The following ARHGEF2 variants were observed in gnomAD, a reference collection of about 807,000 sequenced individuals.
ARHGEF2 encodes rho guanine nucleotide exchange factor 2.
In ARHGEF2, 22 loss-of-function variants were observed where a neutral mutation model predicts 121.0. The ratio of observed to expected loss-of-function variants is 0.18; its 90% CI spans 0.13 to 0.26. ARHGEF2 has a LOEUF of 0.26. ARHGEF2 is among the 10% of genes least tolerant of loss of function. The probability of loss-of-function intolerance (pLI) is 1.00; values close to 1 mark genes in which losing one functional copy is unlikely to be tolerated. For synonymous variants in ARHGEF2, 487 were observed against 530.0 expected (o/e 0.92, Z 1.11); for missense variants, 907 against 1,336.0 (o/e 0.68, Z 5.01).
Position 155,978,045 on chromosome 1 carries a change from C to T in ARHGEF2, c.63+320G>A, listed in dbSNP as rs951750365. The T allele has an allele frequency of 4.6e-6, 5 of 1,093,356 alleles. No individual in the cohort carries two copies. The highest frequency in any genetic ancestry group is 5.6e-6 in the Non-Finnish European group (5 of 896,742). 67.7% of individuals were successfully genotyped at this position (1,093,356 alleles called of 1,614,324 possible). The stretch of plus-strand genomic sequence containing the variant: ...CCCCACCCGCGAGACACACACCTCC[C>T]TCTTCCCGCTCCGTCCCTTACCGGA... On this transcript the variant is annotated intron_variant, in intron 1 of 21. Coordinates refer to ENST00000361247, the MANE Select transcript of ARHGEF2 (RefSeq NM_001162383.2). This position sits in a 1 kb window ranked among gnomAD's most constrained non-coding sequence, Gnocchi z 4.1.
chr1:155,962,374 G>A lies in ARHGEF2; in HGVS notation c.1102-152C>T, dbSNP rs1281465250. ...ATGGGGATAACAACGCCACAGGTTT[G>A]TTGTGAGGACCAACTGAAGGAGCAA... On this transcript the variant is annotated intron_variant, in intron 9 of 21. Transcript: ENST00000361247. This position sits in a 1 kb window ranked among gnomAD's most constrained non-coding sequence, Gnocchi z 5.8. 6 of 1,029,756 alleles carry A rather than the reference G, an allele frequency of 5.8e-6. No homozygotes were observed. The highest frequency in any genetic ancestry group is 3.1e-5 in the South Asian group (2 of 64,676). 63.8% of individuals were successfully genotyped at this position (1,029,756 alleles called of 1,614,324 possible).
chr1:155,947,809 G>C lies in ARHGEF2; in HGVS notation c.*133C>G. 1 of 598,030 alleles carries C rather than the reference G, an allele frequency of 1.7e-6. No homozygotes were observed. 37.0% of individuals were successfully genotyped at this position (598,030 alleles called of 1,614,324 possible). ...TCTTAAATGGCCCCAGGTATCCAAG[G>C]ATCCCAAGAGCTGGCAAGGACAATT... is the stretch of plus-strand genomic sequence containing the variant. On this transcript the variant is annotated 3_prime_UTR_variant, in exon 22 of 22. Coordinates refer to ENST00000361247, the MANE Select transcript of ARHGEF2 (RefSeq NM_001162383.2).
In ARHGEF2 at chr1:155,962,171, G is replaced by T. The variant is rs1450540559; in HGVS notation, c.1153C>A (p.Leu385Met). 1 of 1,614,204 alleles carries T rather than the reference G, an allele frequency of 6.2e-7. No homozygotes were observed. Among genetic ancestry groups the T allele is most frequent in the East Asian group, 2.2e-5 (1 of 44,868 alleles). Reference protein sequence around the residue: ...LKRHGVQECILLVTQRITKYP... With the variant: ...LKRHGVQECIMLVTQRITKYP... ...TTGGTGATGCGCTGAGTCACCAGCA[G>T]GATGCACTCCTGTACCCCGTGCCGC... The change falls in exon 10 of 22, where the codon CTG (leucine) becomes ATG (methionine). Residue 385 changes from leucine (L) to methionine (M), a missense_variant. Around this residue, in one of 2 missense-constraint regions of ARHGEF2, gnomAD observed 475 missense variants for 776.5 expected, o/e 0.61. Transcript: ENST00000361247. The surrounding 1 kb of genome is among the most constrained non-coding windows in gnomAD (Gnocchi z 5.8).
At chr1:155,972,399 C>G (rs909186224) in intron 1 of ARHGEF2, 1 of 433,616 alleles carries the variant, frequency 2.3e-6, no homozygotes, top group South Asian at 1.6e-5. Flanking sequence ...CTGTGCCCGC[C>G]CCAGGGCTCA....
Position 155,962,422 on chromosome 1 carries a change from A to G in ARHGEF2, c.1101+171T>C, listed in dbSNP as rs921385283. On this transcript the variant is annotated intron_variant, in intron 9 of 21. Coordinates refer to ENST00000361247, the MANE Select transcript of ARHGEF2 (RefSeq NM_001162383.2). The surrounding 1 kb of genome is among the most constrained non-coding windows in gnomAD (Gnocchi z 5.8). ...CAAAAAGTACTTGGGAAACTACCAC[A>G]ACGTGCTCTAGCATTCTGAGGGGTT... The G allele has an allele frequency of 6.3e-6, 7 of 1,111,860 alleles. No homozygotes were observed. Among genetic ancestry groups the G allele is most frequent in the African/African-American group, 3.1e-5 (2 of 64,104 alleles). The allele number at this position is 1,111,860 out of a possible 1,614,324, so 68.9% of individuals were successfully genotyped here.
At chr1:155,963,920 G>A in intron 7 of ARHGEF2, among the ~76,000 whole-genome samples, 1 of 150,284 alleles carries the variant, frequency 6.7e-6, no homozygotes, top group Non-Finnish European at 1.5e-5. Context: ...CGAGGCGGGT[G>A]CATCACCTGA....
In ARHGEF2 at chr1:155,951,107, G is replaced by T. The variant is rs200637880; in HGVS notation, c.2425C>A (p.Arg809=). The part of the protein sequence containing the change: ...KQATELALLQ[R]QHALLQEELR... ...TCCTCCTGCAGCAGCGCATGTTGCCGCTGCAGTAATGCCAGTTCCGTGGCC... is the reference window on the plus strand; with the variant it reads ...TCCTCCTGCAGCAGCGCATGTTGCCTCTGCAGTAATGCCAGTTCCGTGGCC... The change falls in exon 20 of 22, where the codon CGG becomes AGG. Residue 809 remains arginine, a synonymous_variant. Coordinates refer to ENST00000361247, the MANE Select transcript of ARHGEF2 (RefSeq NM_001162383.2). This position sits in a 1 kb window ranked among gnomAD's most constrained non-coding sequence, Gnocchi z 5.1. The T allele has an allele frequency of 2.1e-5, 33 of 1,603,200 alleles. No individual in the cohort carries two copies. The African/African-American group carries it at 3.9e-4, about 19-fold the overall frequency.
chr1:155,970,397 T>C, intron 1 of ARHGEF2: 1 of 985,494 alleles, frequency 1.0e-6, no homozygotes, highest in South Asian at 4.7e-5. Flanking sequence ...AAGAGGGGGA[T>C]ATCACTCTTC....
Position 155,961,914 on chromosome 1 carries a change from C to T in ARHGEF2, c.1220-5G>A. On this transcript the variant is annotated splice_polypyrimidine_tract_variant and splice_region_variant and intron_variant, in intron 10 of 21. Transcript: ENST00000361247. The surrounding 1 kb of genome is among the most constrained non-coding windows in gnomAD (Gnocchi z 4.7). ...CCTGGCGCTCCTCCTCGATCCCTGG[C>T]ACCGGGGGTTGGCATGGGGAACGGC... is the stretch of plus-strand genomic sequence containing the variant. The T allele has an allele frequency of 6.2e-7, 1 of 1,613,592 alleles. No individual in the cohort carries two copies. The highest frequency in any genetic ancestry group is 8.5e-7 in the Non-Finnish European group (1 of 1,179,570).
intron 1 of ARHGEF2, among the ~76,000 whole-genome samples, chr1:155,974,036 T>A (rs1371478442): frequency 2.6e-5 from 4 of 151,910 alleles, no homozygotes; most frequent in African/African-American, 7.3e-5. Context: ...TTTTTTTTTT[T>A]AATAATAGAT....
At chr1:155,954,155 A>ACAGGC (rs1676112559) in intron 14 of ARHGEF2, among the ~76,000 whole-genome samples, 2 of 149,464 alleles carry the variant, frequency 1.3e-5, no homozygotes, top group South Asian at 4.2e-4. Context: ...TTTTGTAGAG[A>ACAGGC]CAGGGTCTTG....
At position 155,969,261 on chromosome 1, in the gene ARHGEF2, G is replaced by T. The variant is rs568080626; in HGVS notation, c.103C>A (p.Arg35Ser). 1 of 1,614,150 alleles carries T rather than the reference G, an allele frequency of 6.2e-7. No homozygotes were observed. The highest frequency in any genetic ancestry group is 1.1e-5 in the South Asian group (1 of 91,080). Residue 35 changes from arginine to serine, a missense_variant, in exon 2 of 22, where the codon CGC (arginine) becomes AGC (serine). By Grantham distance (110) the Arg-to-Ser change is moderately radical. Around this residue, in one of 2 missense-constraint regions of ARHGEF2, gnomAD observed 475 missense variants for 776.5 expected, o/e 0.61. Transcript: ENST00000361247. The part of the protein sequence containing the change: ...KEKMKEAKDA[R>S]YTNGHLFTTI... ...GTGAAGAGGTGCCCATTGGTATAGC[G>T]GGCATCCTTGGCTTCCTTCATCTTC...
At position 155,964,180 on chromosome 1, in the gene ARHGEF2, A is replaced by ATATATATATATG. The variant is rs1678798776; in HGVS notation, c.724+807_724+808insCATATATATATA. Among the ~76,000 whole-genome samples, 8 of 101,574 alleles carry ATATATATATATG rather than the reference A, an allele frequency of 7.9e-5. 1 individual carries two copies. Among genetic ancestry groups the ATATATATATATG allele is most frequent in the Admixed American group, 2.6e-4 (2 of 7,826 alleles). The allele number at this position is 101,574 out of a possible 152,430, so 66.6% of individuals were successfully genotyped here. A position where few individuals can be genotyped will look rare whatever the true frequency, so the allele number is the denominator to read the frequency against. On this transcript the variant is annotated intron_variant, in intron 7 of 21. Coordinates refer to ENST00000361247, the MANE Select transcript of ARHGEF2 (RefSeq NM_001162383.2). Reference sequence around the variant, plus strand: ...AAAAAAAAAAAAAATATATATATATATATATATATATATATATACATATAT... The same window carrying ATATATATATATG: ...AAAAAAAAAAAAAATATATATATATATATATATATATGTATATATATATATATATACATATAT...
chr1:155,970,055 G>A (rs1680170015), intron 1 of ARHGEF2: 1 of 985,332 alleles, frequency 1.0e-6, no homozygotes, highest in Non-Finnish European at 1.2e-6. Context: ...CATCTTGGTT[G>A]CTTCCAGCGG....
In ARHGEF2 at chr1:155,962,730, T is replaced by C; in HGVS notation, c.976-12A>G. The C allele has an allele frequency of 6.2e-7, 1 of 1,614,056 alleles. No individual in the cohort carries two copies. The highest frequency in any genetic ancestry group is 8.5e-7 in the Non-Finnish European group (1 of 1,179,976). ...CTAGGACCTGAGAACTAGAAGTTGG[T>C]CGAGTAAGGTTAGGTCAGCATTCCC... On this transcript the variant is annotated splice_polypyrimidine_tract_variant and intron_variant, in intron 8 of 21. Coordinates refer to ENST00000361247, the MANE Select transcript of ARHGEF2 (RefSeq NM_001162383.2). This position sits in a 1 kb window ranked among gnomAD's most constrained non-coding sequence, Gnocchi z 5.8.
In ARHGEF2 at chr1:155,966,306, G is replaced by A. The variant is rs1679361479; in HGVS notation, c.340+110C>T. 5.7e-6 allele frequency: 6 copies of A among 1,056,570 alleles called. No homozygotes were observed. In the Admixed American group the frequency reaches 1.1e-4, roughly 19 times the overall value. 65.4% of individuals were successfully genotyped at this position (1,056,570 alleles called of 1,614,324 possible). On this transcript the variant is annotated intron_variant, in intron 4 of 21. Transcript: ENST00000361247. ...CCCACTATCTGCTTCCAATCAAGAA[G>A]AGGAAGGTGCTATGCCTGGGAACAA...
Position 155,957,863 on chromosome 1 carries a change from G to A in ARHGEF2, c.1565C>T (p.Ser522Leu), listed in dbSNP as rs756219943. The A allele has an allele frequency of 5.0e-6, 8 of 1,613,914 alleles. No individual in the cohort carries two copies. Among genetic ancestry groups the A allele is most frequent in the East Asian group, 2.2e-5 (1 of 44,868 alleles). ...GTCTCGTACGATTAGATTCTGCAGC[G>A]ATACCACTGAAGGCTTGTCCTGCCA... The part of the protein sequence containing the change: ...FPTLDKPSVV[S>L]LQNLIVRDIA... The change falls in exon 13 of 22, where the codon TCG becomes TTG. Residue 522 changes from serine (S) to leucine (L), a missense_variant. This residue lies in a region of ARHGEF2 where 475 missense variants were observed against 776.5 expected (regional missense o/e 0.61). Transcript: ENST00000361247.
At position 155,953,762 on chromosome 1, in the gene ARHGEF2, A is replaced by AT. The variant is rs1210192651; in HGVS notation, c.1784-935_1784-934insA. Among the ~76,000 whole-genome samples, 3 of 151,800 alleles carry AT rather than the reference A, an allele frequency of 2.0e-5. No individual in the cohort carries two copies. The East Asian group carries it at 5.8e-4, about 29-fold the overall frequency. ...ACCCTGTCTCAAAAAAAAAAAAAAA[A>AT]AAAAGAAAGAAAGAAAAAGAAAAAA... On this transcript the variant is annotated intron_variant, in intron 14 of 21. Transcript: ENST00000361247.
intron 1 of ARHGEF2, chr1:155,970,331 C>T (rs953901279): frequency 1.0e-6 from 1 of 985,508 alleles, no homozygotes; most frequent in Admixed American, 6.1e-5. Flanking sequence ...TCTCCCTGAC[C>T]TCCAATCTGT....
Sources: allele counts gnomAD v4.1 joint callset (sites outside exome capture counted in the v4.1 genomes callset), GRCh38; gene constraint gnomAD v4.1.1; regional missense constraint gnomAD v4.1.1; non-coding constraint Gnocchi (gnomAD v3.1); transcripts MANE v1.5; gene names NCBI Gene and HGNC (gene_info 2026-07-23, HGNC 2026-07-21).